The following COL6A1 variants were observed in gnomAD, a reference collection of about 807,000 sequenced individuals.
COL6A1 encodes the protein collagen type VI alpha 1 chain.
COL6A1 carries 80 observed loss-of-function variants against 145.6 expected under a neutral mutation model. That is an observed-to-expected ratio of 0.55 (90% CI 0.46 to 0.66). The LOEUF (loss-of-function observed/expected upper bound fraction) is 0.66. Among genes scored for constraint, COL6A1 ranks in the 30% least tolerant of loss-of-function variants. The probability of loss-of-function intolerance (pLI) is 0.00; values close to 1 mark genes in which losing one functional copy is unlikely to be tolerated. For synonymous variants in COL6A1, 638 were observed against 622.8 expected (o/e 1.02, Z -0.36); for missense variants, 1,364 against 1,473.8 (o/e 0.93, Z 1.22).
At chr21:45,986,439 AG>A (rs2077739123) in intron 3 of COL6A1, 86 bp from the exon 4 acceptor site, 1 of 1,354,206 alleles carries the variant, frequency 7.4e-7, no homozygotes, top group Non-Finnish European at 1.0e-6. Flanking sequence ...CCGGTGAGAC[AG>A]GGACCAGCAC....
intron 19 of COL6A1, among the ~76,000 whole-genome samples, chr21:45,993,230 C>T (rs1007538777): frequency 5.9e-5 from 9 of 152,208 alleles, no homozygotes; most frequent in African/African-American, 1.7e-4. Flanking sequence ...GAGATGCCGG[C>T]GGCCTCAGAG....
At chr21:45,998,786 G>A (rs1180359682) in intron 24 of COL6A1, 111 bp from the exon 25 acceptor site, 89 of 1,255,428 alleles carry the variant, frequency 7.1e-5, no homozygotes, top group Non-Finnish European at 9.8e-5. Flanking sequence ...TGTGGTGGGG[G>A]AAGGGAAGAG....
At chr21:45,993,836 A>G (rs2077790013) in intron 19 of COL6A1, among the ~76,000 whole-genome samples, 1 of 152,220 alleles carries the variant, frequency 6.6e-6, no homozygotes, top group South Asian at 2.1e-4. Flanking sequence ...ACGCAGCTCC[A>G]GCTTCCCGGC....
chr21:45,982,774 C>T lies in COL6A1; in HGVS notation c.227+11C>T, dbSNP rs371425947. 172 of 1,611,306 alleles carry T rather than the reference C, an allele frequency of 1.1e-4. No homozygotes were observed. Among genetic ancestry groups the T allele is most frequent in the Non-Finnish European group, 1.4e-4 (164 of 1,179,890 alleles). On this transcript the variant is annotated intron_variant, in intron 2 of 34. Coordinates refer to ENST00000361866, the MANE Select transcript of COL6A1 (RefSeq NM_001848.3). The stretch of plus-strand genomic sequence containing the variant: ...CAACCTGAGGGACAGGTAGGAGGGA[C>T]GCCCCGTGACCTTCCTCCTGTGCTT...
chr21:45,996,818 C>T (rs1429504863), intron 20 of COL6A1, among the ~76,000 whole-genome samples: 1 of 152,148 alleles, frequency 6.6e-6, no homozygotes, highest in Non-Finnish European at 1.5e-5. Flanking sequence ...AAATAGACCC[C>T]CACAGGGTCC....
At chr21:45,997,864 G>A in intron 22 of COL6A1, 102 bp downstream of exon 22, 1 of 1,325,508 alleles carries the variant, frequency 7.5e-7, no homozygotes, top group Non-Finnish European at 1.0e-6. Context: ...TCCCTGACCG[G>A]GCCGGGAGTG....
chr21:45,997,795 A>T (rs1569518684), intron 22 of COL6A1, 33 bp downstream of exon 22: 1 of 1,558,094 alleles, frequency 6.4e-7, no homozygotes, highest in Non-Finnish European at 8.7e-7. Context: ...CCTAGGGCGG[A>T]GGCCTGGCCG....
rs368350555 is a variant in COL6A1 at position 46,003,244 on chromosome 21, G to A, written c.2464+95G>A. 1.5e-4 allele frequency: 235 copies of A among 1,606,072 alleles called. 1 individual carries two copies. Among genetic ancestry groups the A allele is most frequent in the Middle Eastern group, 1.2e-3 (7 of 5,962 alleles). On this transcript the variant is annotated intron_variant, in intron 34 of 34. Transcript: ENST00000361866. ...CGGGGCTCTGGGAGGAGGGCCTGGC[G>A]GTCACGAGAGTAGGTGCATGGCTCA...
intron 1 of COL6A1, 133 bp downstream of exon 1, chr21:45,982,080 C>A: frequency 1.3e-6 from 1 of 768,684 alleles, no homozygotes; most frequent in Non-Finnish European, 2.2e-6. Flanking sequence ...CCACTCCCCG[C>A]TCGGGGCGGC....
At position 45,991,754 on chromosome 21, in the gene COL6A1, C is replaced by T. The variant is rs541840522; in HGVS notation, c.1120-256C>T. 3.3e-5 allele frequency among the ~76,000 whole-genome samples: 5 copies of T among 152,342 alleles called. No individual in the cohort carries two copies. The South Asian group carries it at 1.0e-3, about 32-fold the overall frequency. On this transcript the variant is annotated intron_variant, in intron 15 of 34. Transcript: ENST00000361866. ...CCAGCCTGGCAAAGCTGTGCCTTCT[C>T]TAATGGGAACCAAATCCTGCCCCTT...
At chr21:45,991,465 G>A (rs2077776856) in intron 15 of COL6A1, among the ~76,000 whole-genome samples, 1 of 151,868 alleles carries the variant, frequency 6.6e-6, no homozygotes, top group African/African-American at 2.4e-5. Context: ...GTGGTGAGCG[G>A]GTGGGAGGGC....
intron 11 of COL6A1, among the ~76,000 whole-genome samples, 200 bp from the exon 12 acceptor site, chr21:45,990,056 CTG>C (rs1479573586): frequency 9.2e-5 from 13 of 141,476 alleles, no homozygotes; most frequent in Non-Finnish European, 1.3e-4. Flanking sequence ...CGGTTACCCT[CTG>C]CGGAGCCGGG....
At chr21:46,003,276 T>A in intron 34 of COL6A1, 115 bp from the exon 35 acceptor site, 1 of 1,602,756 alleles carries the variant, frequency 6.2e-7, no homozygotes, top group East Asian at 2.2e-5. Context: ...CTCACTCCGG[T>A]GGCTGAGCAC....
Position 45,998,881 on chromosome 21 carries a change from T to A in COL6A1, c.1612-16T>A, listed in dbSNP as rs1172270210. ...AATAAAACCCTTGTTAACCAAGTGC[T>A]CTCCCGTCACTGCAGGGCACGAAGG... On this transcript the variant is annotated splice_polypyrimidine_tract_variant and intron_variant, in intron 24 of 34. Transcript: ENST00000361866. 1 of 1,552,686 alleles carries A rather than the reference T, an allele frequency of 6.4e-7. No individual in the cohort carries two copies. Among genetic ancestry groups the A allele is most frequent in the Non-Finnish European group, 8.7e-7 (1 of 1,147,628 alleles).
At chr21:46,001,151 G>C in intron 29 of COL6A1, 102 bp from the exon 30 acceptor site, 1 of 1,501,490 alleles carries the variant, frequency 6.7e-7, no homozygotes, top group East Asian at 2.3e-5. Flanking sequence ...CAACGTGTCA[G>C]GTGAGGATGT....
Position 45,986,563 on chromosome 21 carries a change from G to C in COL6A1, c.466G>C (p.Val156Leu). The C allele has an allele frequency of 6.4e-7, 1 of 1,565,794 alleles. No homozygotes were observed. ...GAAGGAGAATAAGTACCTGATTGTGGTGACCGACGGGCACCCCCTGGAGGG... is the reference window on the plus strand; with the variant it reads ...GAAGGAGAATAAGTACCTGATTGTGCTGACCGACGGGCACCCCCTGGAGGG... The part of the protein sequence containing the change: ...HLKENKYLIV[V>L]TDGHPLEGYK... The change falls in exon 4 of 35, where the codon GTG becomes CTG. Residue 156 changes from valine (V) to leucine (L), a missense_variant. Coordinates refer to ENST00000361866, the MANE Select transcript of COL6A1 (RefSeq NM_001848.3).
Position 45,986,594 on chromosome 21 carries a change from A to G in COL6A1, c.497A>G (p.Lys166Arg), listed in dbSNP as rs980266782. ...GACGGGCACCCCCTGGAGGGCTACAAGGAACCCTGTGGGGGGCTGGAGGAT... is the reference window on the plus strand; with the variant it reads ...GACGGGCACCCCCTGGAGGGCTACAGGGAACCCTGTGGGGGGCTGGAGGAT... The part of the protein sequence containing the change: ...VTDGHPLEGY[K>R]EPCGGLEDAV... Residue 166 changes from lysine to arginine, a missense_variant, in exon 4 of 35, where the codon AAG becomes AGG. Physicochemically the swap from Lys to Arg is conservative, Grantham distance 26 (BLOSUM62 2). Transcript: ENST00000361866. 4.5e-6 allele frequency: 7 copies of G among 1,562,644 alleles called. No homozygotes were observed. Among genetic ancestry groups the G allele is most frequent in the African/African-American group, 2.7e-5 (2 of 73,582 alleles).
intron 25 of COL6A1, 27 bp from the exon 26 acceptor site, chr21:45,999,126 T>G: frequency 6.3e-7 from 1 of 1,576,618 alleles, no homozygotes; most frequent in South Asian, 1.2e-5. Flanking sequence ...GTGCACGGTC[T>G]GTTGACACAA....
intron 28 of COL6A1, 134 bp from the exon 29 acceptor site, chr21:46,000,625 G>T: frequency 7.1e-7 from 1 of 1,401,436 alleles, no homozygotes; most frequent in Non-Finnish European, 1.0e-6. Flanking sequence ...CGGGGCAGGA[G>T]GCCGGGGAAG....
Sources: gnomAD v4.1 joint callset for allele counts (sites outside exome capture counted in the v4.1 genomes callset) on GRCh38, gnomAD v4.1.1 for gene constraint, MANE v1.5 for transcripts, NCBI Gene and HGNC (gene_info 2026-07-23, HGNC 2026-07-21) for gene names.